The following CFAP210 variants were observed in gnomAD, a reference collection of about 807,000 sequenced individuals.
CFAP210 encodes cilia- and flagella- associated protein 210.
the CFAP210 span, among the ~76,000 whole-genome samples, chr2:169,653,653 G>C: frequency 6.6e-6 from 1 of 152,086 alleles, no homozygotes; most frequent in Admixed American, 6.6e-5. Flanking sequence ...TTCTTACTGA[G>C]AGTCTTCTCT....
the CFAP210 span, among the ~76,000 whole-genome samples, chr2:169,667,082 C>A: frequency 6.6e-6 from 1 of 151,884 alleles, no homozygotes; most frequent in African/African-American, 2.4e-5. Flanking sequence ...CAACTTCTTC[C>A]AAACTCTTAT....
At chr2:169,658,799 A>G in the CFAP210 span, 14 of 286,946 alleles carry the variant, frequency 4.9e-5, no homozygotes, top group Admixed American at 4.8e-4. Context: ...CATTTAGAAG[A>G]TATTTTACAC....
the CFAP210 span, chr2:169,681,383 G>GA: frequency 6.7e-3 from 4,097 of 609,950 alleles, 9 homozygotes; most frequent in South Asian, 0.029. Flanking sequence ...ATGATTAAGT[G>GA]AAAAAAAAAA....
At chr2:169,650,734 CTG>C in the CFAP210 span, among the ~76,000 whole-genome samples, 10,055 of 147,152 alleles carry the variant, frequency 0.068, 434 homozygotes, top group East Asian at 0.18. Flanking sequence ...TATGTATAAT[CTG>C]TGTGTGTGTG....
At chr2:169,679,204 G>A in the CFAP210 span, among the ~76,000 whole-genome samples, 1 of 152,144 alleles carries the variant, frequency 6.6e-6, no homozygotes, top group Non-Finnish European at 1.5e-5. Context: ...ACCTATACAG[G>A]AAACCAAAAA....
At chr2:169,689,829 T>C in the CFAP210 span, among the ~76,000 whole-genome samples, 11 of 152,214 alleles carry the variant, frequency 7.2e-5, no homozygotes, top group Admixed American at 7.2e-4. Flanking sequence ...TGTCAAATGT[T>C]TTTTCTATTA....
chr2:169,674,621 T>C, the CFAP210 span: 1 of 1,609,234 alleles, frequency 6.2e-7, no homozygotes. Flanking sequence ...TCTGTGTCGT[T>C]TTTCTGCTTT....
chr2:169,691,520 C>T, the CFAP210 span, among the ~76,000 whole-genome samples: 22 of 152,084 alleles, frequency 1.4e-4, no homozygotes, highest in African/African-American at 5.3e-4. Flanking sequence ...ACATCCTCCC[C>T]GCCACTTCCA....
the CFAP210 span, among the ~76,000 whole-genome samples, chr2:169,693,851 A>G: frequency 2.6e-5 from 4 of 152,192 alleles, no homozygotes; most frequent in Admixed American, 2.0e-4. Flanking sequence ...CCAAGCCTCT[A>G]AAGAGGTGAC....
chr2:169,654,045 T>C, the CFAP210 span: 1 of 1,566,682 alleles, frequency 6.4e-7, no homozygotes, highest in African/African-American at 1.4e-5. Context: ...TTTCAGATAG[T>C]ACTTTATTAT....
the CFAP210 span, among the ~76,000 whole-genome samples, chr2:169,679,396 T>C: frequency 6.6e-5 from 10 of 152,080 alleles, no homozygotes; most frequent in African/African-American, 2.4e-4. Context: ...GGTGCCAGTG[T>C]CGGCTGGGCG....
chr2:169,648,883 GA>G, the CFAP210 span, among the ~76,000 whole-genome samples: 1 of 152,168 alleles, frequency 6.6e-6, no homozygotes, highest in South Asian at 2.1e-4. Context: ...TGAGATATGG[GA>G]AAAAAGTAAA....
the CFAP210 span, chr2:169,649,363 A>G: frequency 1.7e-5 from 27 of 1,601,718 alleles, no homozygotes; most frequent in Middle Eastern, 1.7e-4. Context: ...GTTTAAAGGC[A>G]AAGGAAACAT....
chr2:169,675,728 C>T, the CFAP210 span, among the ~76,000 whole-genome samples: 1 of 152,178 alleles, frequency 6.6e-6, no homozygotes, highest in Non-Finnish European at 1.5e-5. Context: ...TCTGCAATCT[C>T]CTCTCATTCT....
the CFAP210 span, among the ~76,000 whole-genome samples, chr2:169,675,412 G>A: frequency 6.6e-6 from 1 of 152,186 alleles, no homozygotes; most frequent in Non-Finnish European, 1.5e-5. Context: ...CTCAGCTTCT[G>A]GAGAGGCCTT....
the CFAP210 span, chr2:169,645,719 A>G: frequency 4.4e-6 from 3 of 682,584 alleles, no homozygotes; most frequent in Non-Finnish European, 7.2e-6. Flanking sequence ...ACTGAGAACA[A>G]TCAATTAAAT....
At chr2:169,689,788 T>A in the CFAP210 span, among the ~76,000 whole-genome samples, 1 of 152,218 alleles carries the variant, frequency 6.6e-6, no homozygotes, top group Admixed American at 6.5e-5. Flanking sequence ...ATTCCCAGTT[T>A]GTTGTTTTTA....
At chr2:169,684,765 T>G in the CFAP210 span, among the ~76,000 whole-genome samples, 1 of 152,184 alleles carries the variant, frequency 6.6e-6, no homozygotes, top group Non-Finnish European at 1.5e-5. Context: ...GCAATTCTCC[T>G]GCCTAGCCTC....
the CFAP210 span, among the ~76,000 whole-genome samples, chr2:169,655,132 T>C: frequency 2.5e-3 from 387 of 152,286 alleles, 4 homozygotes; most frequent in Non-Finnish European, 4.9e-3. Flanking sequence ...AGCCTGAATA[T>C]ATAGATATAT....
Sources: gnomAD v4.1 joint callset for allele counts (sites outside exome capture counted in the v4.1 genomes callset) on GRCh38, gnomAD v4.1.1 for gene constraint, MANE v1.5 for transcripts, NCBI Gene and HGNC (gene_info 2026-07-23, HGNC 2026-07-21) for gene names.